ILDR1: variants seen among roughly 807,000 people sequenced by gnomAD.
ILDR1 encodes the protein immunoglobulin-like domain-containing receptor 1.
A neutral mutation model predicts 62.4 loss-of-function variants in ILDR1; 56 were observed. The ratio of observed to expected loss-of-function variants is 0.90; its 90% CI spans 0.72 to 1.12. The LOEUF is 1.12. Ranked by LOEUF, ILDR1 falls within the 50% of genes most tolerant of loss-of-function variation. The pLI is 0.00. For missense variants in ILDR1, 736 were observed against 710.6 expected, an observed-to-expected ratio of 1.04 and a Z score of -0.41; for synonymous variants, 284 against 277.8, an observed-to-expected ratio of 1.02 and a Z score of -0.22.
rs1389214357 is a variant in ILDR1, at chr3:121,993,519, C to A, written c.1230G>T (p.Gly410=). 6.2e-7 allele frequency: 1 copy of A among 1,614,232 alleles called. No individual in the cohort carries two copies. The highest frequency in any genetic ancestry group is 2.2e-5 in the East Asian group (1 of 44,886). Residue 410 remains glycine (G), a synonymous_variant, in exon 7 of 8, where the codon GGG becomes GGT. Transcript: ENST00000344209. ...CCCTGTCTGACCAGTGTATGGGTGA[C>A]CCATTCAGCCTAGAGCTACGGTGCC... ...SGRHRSSRLN[G]SPIHWSDRDS... is the part of the protein sequence containing the mutation.
At chr3:122,040,079 G>A in the ILDR1 span, among the ~76,000 whole-genome samples, 60 of 151,956 alleles carry the variant, frequency 3.9e-4, no homozygotes, top group South Asian at 0.012. Context: ...ATACATAATT[G>A]CCCCCAAGCT....
chr3:122,000,889 G>C lies in ILDR1; in HGVS notation c.646+419C>G, dbSNP rs372017702. Among the ~76,000 whole-genome samples, 28 of 152,330 alleles carry C rather than the reference G, an allele frequency of 1.8e-4. No homozygotes were observed. The East Asian group carries it at 3.3e-3, about 18-fold the overall frequency. On this transcript the variant is annotated intron_variant, in intron 5 of 7. Coordinates refer to ENST00000344209, the MANE Select transcript of ILDR1 (RefSeq NM_001199799.2). The stretch of plus-strand genomic sequence containing the variant: ...ACACACTTGGTGTCAGAAGTATCGA[G>C]TGGCATGTGAGAATAGGAAAAAACA...
chr3:122,005,554 G>A (rs947390173), intron 2 of ILDR1, among the ~76,000 whole-genome samples, 161 bp from the exon 3 acceptor site: 14 of 152,242 alleles, frequency 9.2e-5, no homozygotes, highest in African/African-American at 3.4e-4. Context: ...TCCTGATTCT[G>A]CAGGTCTAGA....
chr3:121,999,622 G>A lies in ILDR1; in HGVS notation c.646+1686C>T, dbSNP rs190309272. Reference sequence around the variant, plus strand: ...TTCTCAAAGTGTGGCTCCTCTACCAGCAGCAGCACATCACCTGGAAACTTT... The same window carrying A: ...TTCTCAAAGTGTGGCTCCTCTACCAACAGCAGCACATCACCTGGAAACTTT... On this transcript the variant is annotated intron_variant, in intron 5 of 7. Transcript: ENST00000344209. 2.0e-5 allele frequency among the ~76,000 whole-genome samples: 3 copies of A among 152,230 alleles called. No homozygotes were observed. In the East Asian group the frequency reaches 5.8e-4, roughly 29 times the overall value.
At chr3:122,055,114 C>T in the ILDR1 span, among the ~76,000 whole-genome samples, 2 of 152,106 alleles carry the variant, frequency 1.3e-5, no homozygotes, top group African/African-American at 2.4e-5. Flanking sequence ...TTTGTTTTCT[C>T]TTTCTAATTA....
At chr3:122,055,495 T>A in the ILDR1 span, 1 of 1,613,868 alleles carries the variant, frequency 6.2e-7, no homozygotes, top group East Asian at 2.2e-5. Context: ...CCAAAATGGA[T>A]CCCCAGTGGT....
chr3:122,044,505 C>A, the ILDR1 span, among the ~76,000 whole-genome samples: 1 of 149,662 alleles, frequency 6.7e-6, no homozygotes, highest in Non-Finnish European at 1.5e-5. Context: ...CCAGCTCCTC[C>A]TTGTACCTCT....
At chr3:122,044,614 A>G in the ILDR1 span, among the ~76,000 whole-genome samples, 1 of 151,638 alleles carries the variant, frequency 6.6e-6, no homozygotes, top group East Asian at 1.9e-4. Flanking sequence ...TGGTTTATTC[A>G]GAGATTCAAC....
chr3:122,024,440 T>A (rs1473245503), upstream of ILDR1, among the ~76,000 whole-genome samples: 1 of 152,246 alleles, frequency 6.6e-6, no homozygotes. Flanking sequence ...TAATAAAGTT[T>A]ATCTCAAGTG....
At chr3:122,013,829 A>AGG (rs2071738147) in intron 1 of ILDR1, among the ~76,000 whole-genome samples, 1 of 152,194 alleles carries the variant, frequency 6.6e-6, no homozygotes, top group African/African-American at 2.4e-5. Flanking sequence ...AACACTTAAC[A>AGG]GTGCAGCACC....
At chr3:122,036,004 A>G in the ILDR1 span, among the ~76,000 whole-genome samples, 11 of 152,226 alleles carry the variant, frequency 7.2e-5, no homozygotes, top group African/African-American at 2.7e-4. Context: ...CAAAATGCTG[A>G]TAGTGACATG....
Position 122,005,226 on chromosome 3 carries a change from C to T in ILDR1, c.379+18G>A. The T allele has an allele frequency of 2.2e-6, 3 of 1,337,366 alleles. No homozygotes were observed. Among genetic ancestry groups the T allele is most frequent in the Non-Finnish European group, 2.1e-6 (2 of 938,506 alleles). 82.8% of individuals were successfully genotyped at this position (1,337,366 alleles called of 1,614,324 possible). ...CTCCCCCCACCCCCAGTTCCCCTGA[C>T]ACCTCCCCCGCACTCACGGTTCTGG... On this transcript the variant is annotated intron_variant, in intron 3 of 7. Transcript: ENST00000344209.
the ILDR1 span, among the ~76,000 whole-genome samples, chr3:122,038,760 C>T: frequency 6.6e-6 from 1 of 151,810 alleles, no homozygotes; most frequent in Non-Finnish European, 1.5e-5. Flanking sequence ...AGCATGTAAG[C>T]TCAGACAGAT....
the ILDR1 span, among the ~76,000 whole-genome samples, chr3:122,050,964 C>T: frequency 5.9e-5 from 9 of 152,180 alleles, no homozygotes; most frequent in Admixed American, 5.2e-4. Flanking sequence ...TCATCCCATT[C>T]CCTTTTGTCC....
At chr3:121,999,083 T>C (rs1409145818) in intron 5 of ILDR1, among the ~76,000 whole-genome samples, 2 of 152,222 alleles carry the variant, frequency 1.3e-5, no homozygotes, top group Non-Finnish European at 2.9e-5. Context: ...TAGTTCTCTT[T>C]TCCTGTAAGA....
chr3:122,045,436 A>T, the ILDR1 span, among the ~76,000 whole-genome samples: 1 of 152,092 alleles, frequency 6.6e-6, no homozygotes, highest in Non-Finnish European at 1.5e-5. Context: ...TATTAGGTCC[A>T]CTTGGTGCAG....
intron 5 of ILDR1, among the ~76,000 whole-genome samples, chr3:122,000,012 A>T (rs2071493090): frequency 6.6e-6 from 1 of 151,824 alleles, no homozygotes; most frequent in Non-Finnish European, 1.5e-5. Context: ...TTCTTAAGGA[A>T]AATGTATAAA....
intron 5 of ILDR1, among the ~76,000 whole-genome samples, chr3:121,994,591 C>T (rs1428101988): frequency 1.3e-5 from 2 of 152,176 alleles, no homozygotes; most frequent in Non-Finnish European, 2.9e-5. Context: ...ATCATCTTGC[C>T]CATTCCTAAG....
intron 1 of ILDR1, among the ~76,000 whole-genome samples, chr3:122,017,879 AAGTC>A (rs2071798367): frequency 2.0e-5 from 3 of 152,242 alleles, no homozygotes; most frequent in Admixed American, 2.0e-4. Context: ...TGATCATTAA[AAGTC>A]AGGAAACAAC....
Sources: allele counts gnomAD v4.1 joint callset (sites outside exome capture counted in the v4.1 genomes callset), GRCh38; gene constraint gnomAD v4.1.1; transcripts MANE v1.5; gene names NCBI Gene and HGNC (gene_info 2026-07-23, HGNC 2026-07-21).